CSMD1: variants seen among roughly 807,000 people sequenced by gnomAD.
CSMD1 encodes the protein CUB and sushi domain-containing protein 1.
Under a neutral mutation model 417.5 loss-of-function variants are expected in CSMD1, and 213 were observed. The observed-to-expected ratio is 0.51, with a 90% CI of 0.46 to 0.57. The LOEUF (loss-of-function observed/expected upper bound fraction) is 0.57, where lower values mean the gene tolerates loss of function less well. Among genes scored for constraint, CSMD1 ranks in the 20% least tolerant of loss-of-function variants. CSMD1 has a pLI of 0.00. For missense variants in CSMD1, 6,923 were observed against 4,529.7 expected (o/e 1.53, Z -15.17); for synonymous variants, 2,862 against 1,736.8 (o/e 1.65, Z -16.11).
Position 4,032,036 on chromosome 8 carries a change from C to A in CSMD1, c.479G>T (p.Arg160Ile). 1 of 1,613,968 alleles carries A rather than the reference C, an allele frequency of 6.2e-7. No individual in the cohort carries two copies. The highest frequency in any genetic ancestry group is 8.5e-7 in the Non-Finnish European group (1 of 1,179,870). ...CCGGATTTTGTCTCCTATGTTGAAT[C>A]TCGTTCCATGCAGAACTCCTTTCAG... ...EILKGVLHGT[R>I]FNIGDKIRYS... is the part of the protein sequence containing the mutation. The change falls in exon 4 of 70, where the codon AGA becomes ATA. Residue 160 changes from arginine (R) to isoleucine (I), a missense_variant. Transcript: ENST00000635120.
chr8:2,963,334 G>C lies in CSMD1; in HGVS notation c.9342C>G (p.Arg3114=). ...AGCTGTAACTTATGCTGGAGCCCCA[G>C]CGGAAATCACTTCCCTCCACTGTTC... ...QNGTVEGSDF[R]WGSSISYSCM... The change falls in exon 60 of 70, where the codon CGC becomes CGG. Residue 3114 remains arginine, a synonymous_variant. Transcript: ENST00000635120. 2 of 1,613,936 alleles carry C rather than the reference G, an allele frequency of 1.2e-6. No homozygotes were observed. Among genetic ancestry groups the C allele is most frequent in the South Asian group, 1.1e-5 (1 of 91,082 alleles).
At chr8:4,908,723 C>T (rs1805466964) in intron 1 of CSMD1, among the ~76,000 whole-genome samples, 1 of 870 alleles carries the variant, frequency 1.1e-3, no homozygotes, top group Admixed American at 0.028. Flanking sequence ...TTTCTGTCAC[C>T]ATGTTATTTT....
intron 3 of CSMD1, among the ~76,000 whole-genome samples, chr8:4,370,849 G>T (rs955450651): frequency 6.6e-6 from 1 of 152,082 alleles, no homozygotes; most frequent in Non-Finnish European, 1.5e-5. Context: ...GTTTTCCTTG[G>T]ATTCTGTTTC....
At chr8:4,943,451 G>A (rs374622531) in intron 1 of CSMD1, among the ~76,000 whole-genome samples, 2 of 151,352 alleles carry the variant, frequency 1.3e-5, no homozygotes, top group Non-Finnish European at 2.9e-5. Context: ...AGCTGAGGTC[G>A]CACCACTGCA....
chr8:3,894,501 C>T (rs1253364253), intron 5 of CSMD1, among the ~76,000 whole-genome samples: 2 of 152,058 alleles, frequency 1.3e-5, no homozygotes, highest in African/African-American at 2.4e-5. Flanking sequence ...GTAGTTTTAA[C>T]ATTTGCCAAA....
At chr8:3,948,289 A>C (rs201511096) in intron 5 of CSMD1, among the ~76,000 whole-genome samples, 1 of 152,180 alleles carries the variant, frequency 6.6e-6, no homozygotes, top group Non-Finnish European at 1.5e-5. Context: ...AAAAACAAAA[A>C]GTCATGTTAG....
chr8:4,161,996 T>C (rs1797201303), intron 3 of CSMD1, among the ~76,000 whole-genome samples: 1 of 152,234 alleles, frequency 6.6e-6, no homozygotes, highest in Admixed American at 6.5e-5. Context: ...CATTGTGCCT[T>C]TGACTAACCA....
At chr8:3,827,848 A>G (rs755551639) in intron 5 of CSMD1, among the ~76,000 whole-genome samples, 6 of 152,232 alleles carry the variant, frequency 3.9e-5, no homozygotes, top group Non-Finnish European at 7.3e-5. Flanking sequence ...CTCACAGTGC[A>G]TGTCACAGAA....
At chr8:3,948,511 T>C (rs180845939) in intron 5 of CSMD1, among the ~76,000 whole-genome samples, 5 of 152,236 alleles carry the variant, frequency 3.3e-5, no homozygotes, top group African/African-American at 4.8e-5. Context: ...GTTTGTCTTC[T>C]TATATTTTCT....
chr8:4,456,590 G>T (rs889805142), intron 2 of CSMD1, among the ~76,000 whole-genome samples: 3 of 152,084 alleles, frequency 2.0e-5, no homozygotes, highest in Non-Finnish European at 4.4e-5. Flanking sequence ...CACAAACACG[G>T]CTGTAGGGAT....
intron 1 of CSMD1, among the ~76,000 whole-genome samples, chr8:4,670,423 G>A (rs112002005): frequency 1.3e-5 from 2 of 152,268 alleles, no homozygotes; most frequent in South Asian, 4.1e-4. Flanking sequence ...GTGTGTTTTG[G>A]ATAGTCAAGG....
chr8:4,395,864 G>C (rs531121812), intron 3 of CSMD1, among the ~76,000 whole-genome samples: 22 of 152,274 alleles, frequency 1.4e-4, no homozygotes, highest in Middle Eastern at 3.4e-3. Context: ...AACCATTACA[G>C]TCTTTAATTC....
At chr8:3,475,037 C>T (rs1479586445) in intron 11 of CSMD1, among the ~76,000 whole-genome samples, 1 of 152,028 alleles carries the variant, frequency 6.6e-6, no homozygotes, top group African/African-American at 2.4e-5. Flanking sequence ...TTTATTTTTC[C>T]CCATTCTCCA....
At chr8:3,297,168 A>G (rs2117316027) in intron 25 of CSMD1, among the ~76,000 whole-genome samples, 1 of 152,310 alleles carries the variant, frequency 6.6e-6, no homozygotes, top group South Asian at 2.1e-4. Context: ...ATTGAGACAA[A>G]TCATACAAAA....
intron 4 of CSMD1, among the ~76,000 whole-genome samples, chr8:4,004,636 A>G (rs1052153447): frequency 1.3e-5 from 2 of 152,076 alleles, no homozygotes; most frequent in Non-Finnish European, 2.9e-5. Flanking sequence ...TATATTTTAG[A>G]TTTCAATAAA....
chr8:3,205,706 G>A (rs765180164), intron 30 of CSMD1, 86 bp from the exon 31 acceptor site: 49 of 549,180 alleles, frequency 8.9e-5, no homozygotes, highest in Admixed American at 5.1e-4. Flanking sequence ...CATCAAACAC[G>A]TGAGCACGTT....
rs1008196164 is a variant in CSMD1 at position 4,196,070 on chromosome 8, G to T, written c.416-163971C>A. Among the ~76,000 whole-genome samples, 4 of 152,214 alleles carry T rather than the reference G, an allele frequency of 2.6e-5. No individual in the cohort carries two copies. In the East Asian group the frequency reaches 7.8e-4, roughly 30 times the overall value. On this transcript the variant is annotated intron_variant, in intron 3 of 69. Transcript: ENST00000635120. ...ACTGAAAATACAAAAAATTAGCCGG[G>T]CGTGGTGACGGGCGCCTGTAGTCCC...
chr8:4,967,055 T>C (rs17348854), intron 1 of CSMD1, among the ~76,000 whole-genome samples: 15,594 of 152,144 alleles, frequency 0.1, 967 homozygotes, highest in African/African-American at 0.17. Flanking sequence ...CTCCAGTGGG[T>C]GAAGGCTAAT....
At position 4,645,444 on chromosome 8, in the gene CSMD1, CAAAAAA is replaced by C. The variant is rs549511320; in HGVS notation, c.86-7892_86-7887del. Among the ~76,000 whole-genome samples, 12 of 36,854 alleles carry C rather than the reference CAAAAAA, an allele frequency of 3.3e-4. No homozygotes were observed. In the Admixed American group the frequency reaches 4.4e-3, roughly 13 times the overall value. 24.2% of individuals were successfully genotyped at this position (36,854 alleles called of 152,430 possible). On this transcript the variant is annotated intron_variant, in intron 1 of 69. Transcript: ENST00000635120. The stretch of plus-strand genomic sequence containing the variant: ...CAAGACAGCAGGTGTAGTGCAGGGG[CAAAAAA>C]AAAAAAAAAAAAAAAAAGGCAAGCA...
Sources: allele counts gnomAD v4.1 joint callset (sites outside exome capture counted in the v4.1 genomes callset), GRCh38; gene constraint gnomAD v4.1.1; transcripts MANE v1.5; gene names NCBI Gene and HGNC (gene_info 2026-07-23, HGNC 2026-07-21).